The following ABI1 variants were observed in gnomAD, a reference collection of about 807,000 sequenced individuals.
ABI1 encodes abl interactor 1.
Under a neutral mutation model 54.6 loss-of-function variants are expected in ABI1, and 14 were observed. The ratio of observed to expected loss-of-function variants is 0.26; its 90% CI spans 0.17 to 0.40. The LOEUF is 0.40. ABI1 is among the 10% of genes least tolerant of loss of function. The probability of loss-of-function intolerance (pLI) is 1.00; values close to 1 mark genes in which losing one functional copy is unlikely to be tolerated. For synonymous variants in ABI1, 194 were observed against 209.3 expected (o/e 0.93, Z 0.63); for missense variants, 443 against 598.3 (o/e 0.74, Z 2.71).
chr10:26,783,527 T>G (rs1256253072), intron 2 of ABI1, among the ~76,000 whole-genome samples: 1 of 152,238 alleles, frequency 6.6e-6, no homozygotes, highest in Non-Finnish European at 1.5e-5. Flanking sequence ...CCTCCTGGTC[T>G]ACACAGGAGT....
intron 1 of ABI1, among the ~76,000 whole-genome samples, chr10:26,835,430 C>T (rs1463867733): frequency 6.6e-6 from 1 of 151,874 alleles, no homozygotes; most frequent in East Asian, 1.9e-4. Flanking sequence ...TAAAAATTAG[C>T]AGGGTGTGGT....
chr10:26,852,326 A>G (rs1326099792), intron 1 of ABI1, among the ~76,000 whole-genome samples: 1 of 152,068 alleles, frequency 6.6e-6, no homozygotes, highest in African/African-American at 2.4e-5. Flanking sequence ...CTAAAAATAC[A>G]AAATTAGCCA....
intron 2 of ABI1, among the ~76,000 whole-genome samples, chr10:26,819,485 A>G (rs1468870012): frequency 6.6e-6 from 1 of 152,260 alleles, no homozygotes; most frequent in East Asian, 1.9e-4. Context: ...TTATAGTTGG[A>G]GATTTCAATT....
At chr10:26,762,029 TG>T (rs1839299358) in intron 7 of ABI1, among the ~76,000 whole-genome samples, 1 of 152,042 alleles carries the variant, frequency 6.6e-6, no homozygotes, top group Non-Finnish European at 1.5e-5. Context: ...TTGTTTAAGA[TG>T]GGGTCTCACT....
At chr10:26,759,300 G>A (rs1838785584) in intron 7 of ABI1, 62 bp from the exon 8 acceptor site, 4 of 1,464,264 alleles carry the variant, frequency 2.7e-6, no homozygotes, top group East Asian at 2.3e-5. Context: ...CACCTTAGAT[G>A]GCAGAACAAA....
At chr10:26,812,254 G>C (rs1364797709) in intron 2 of ABI1, among the ~76,000 whole-genome samples, 5 of 152,010 alleles carry the variant, frequency 3.3e-5, no homozygotes, top group Admixed American at 3.3e-4. Context: ...ATCTTTTGGG[G>C]GCATTACTCA....
chr10:26,820,088 G>T (rs1472832500), intron 2 of ABI1, among the ~76,000 whole-genome samples: 1 of 152,142 alleles, frequency 6.6e-6, no homozygotes, highest in African/African-American at 2.4e-5. Context: ...TATGCAGGAT[G>T]AATAAGTTCT....
chr10:26,803,213 A>G (rs541136228), intron 2 of ABI1, among the ~76,000 whole-genome samples: 2 of 152,218 alleles, frequency 1.3e-5, no homozygotes, highest in East Asian at 3.8e-4. Flanking sequence ...GAAGCACAGA[A>G]TATGAGGGAA....
chr10:26,840,525 G>A (rs1056249354), intron 1 of ABI1, among the ~76,000 whole-genome samples: 2 of 152,168 alleles, frequency 1.3e-5, no homozygotes, highest in Non-Finnish European at 2.9e-5. Flanking sequence ...CTCCAGCCTA[G>A]TGATTCATTA....
chr10:26,780,080 G>A (rs1411697782), intron 2 of ABI1, among the ~76,000 whole-genome samples: 1 of 152,146 alleles, frequency 6.6e-6, no homozygotes, highest in Non-Finnish European at 1.5e-5. Flanking sequence ...CCTACATTAA[G>A]GCAGACTTCT....
intron 7 of ABI1, among the ~76,000 whole-genome samples, chr10:26,761,620 A>ATG (rs1839187512): frequency 3.7e-5 from 1 of 27,250 alleles, no homozygotes; most frequent in Non-Finnish European, 7.2e-5. Flanking sequence ...TTTTTGTCAT[A>ATG]TATATATATA....
Position 26,828,371 on chromosome 10 carries a change from A to G in ABI1, c.118-5066T>C, listed in dbSNP as rs368607706. 7.9e-5 allele frequency among the ~76,000 whole-genome samples: 12 copies of G among 152,246 alleles called. No homozygotes were observed. The East Asian group carries it at 1.5e-3, about 20-fold the overall frequency. On this transcript the variant is annotated intron_variant, in intron 1 of 10. Transcript: ENST00000376140. ...ATATTTTAAGAATTACCAAAATATG[A>G]CAGAGACATGCAAAGTAAGCACATG...
At chr10:26,784,616 C>T (rs969642078) in intron 2 of ABI1, among the ~76,000 whole-genome samples, 2 of 152,182 alleles carry the variant, frequency 1.3e-5, no homozygotes, top group Non-Finnish European at 2.9e-5. Flanking sequence ...TAGGCACACA[C>T]AGTCCTTGGG....
At chr10:26,857,540 G>A (rs1378355112) in intron 1 of ABI1, among the ~76,000 whole-genome samples, 8 of 151,196 alleles carry the variant, frequency 5.3e-5, no homozygotes, top group Admixed American at 5.3e-4. Context: ...CTACCTGGGG[G>A]GGCTGAGGTG....
At chr10:26,768,730 T>G (rs528636872) in intron 6 of ABI1, 122 bp downstream of exon 6, 110 of 742,074 alleles carry the variant, frequency 1.5e-4, no homozygotes, top group Non-Finnish European at 2.1e-4. Flanking sequence ...TTCCCCCAAC[T>G]TTTACATTTT....
intron 2 of ABI1, among the ~76,000 whole-genome samples, chr10:26,817,761 T>C (rs143024878): frequency 0.027 from 4,138 of 152,272 alleles, 74 homozygotes; most frequent in Middle Eastern, 0.041. Context: ...AAATCTCTTT[T>C]AGATATACAA....
At chr10:26,766,733 A>T (rs1008157677) in intron 6 of ABI1, among the ~76,000 whole-genome samples, 1 of 152,200 alleles carries the variant, frequency 6.6e-6, no homozygotes, top group Admixed American at 6.5e-5. Context: ...TTGGCAAATT[A>T]TGGCCTGTGG....
At chr10:26,803,841 A>T (rs946463460) in intron 2 of ABI1, among the ~76,000 whole-genome samples, 1 of 152,200 alleles carries the variant, frequency 6.6e-6, no homozygotes, top group Admixed American at 6.5e-5. Flanking sequence ...ACAGTGATAT[A>T]CAAAACAGAT....
chr10:26,756,412 T>G (rs1838312486), intron 8 of ABI1, among the ~76,000 whole-genome samples: 1 of 152,162 alleles, frequency 6.6e-6, no homozygotes, highest in African/African-American at 2.4e-5. Flanking sequence ...GAATATATCA[T>G]GTTAATCAGT....
Sources: allele counts gnomAD v4.1 joint callset (sites outside exome capture counted in the v4.1 genomes callset), GRCh38; gene constraint gnomAD v4.1.1; transcripts MANE v1.5; gene names NCBI Gene and HGNC (gene_info 2026-07-23, HGNC 2026-07-21).